The following RBMS3 variants were observed in gnomAD, a reference collection of about 807,000 sequenced individuals.
RBMS3 encodes RNA-binding motif, single-stranded-interacting protein 3.
Under a neutral mutation model 66.8 loss-of-function variants are expected in RBMS3, and 27 were observed. That is an observed-to-expected ratio of 0.40 (90% CI 0.30 to 0.56). The LOEUF (loss-of-function observed/expected upper bound fraction) is 0.56, where lower values mean the gene tolerates loss of function less well. Ranked by LOEUF, RBMS3 falls within the 20% of genes least tolerant of loss-of-function variation. The pLI, the probability that RBMS3 is intolerant of heterozygous loss-of-function variation, is 0.40. For synonymous variants in RBMS3, 188 were observed against 183.0 expected (o/e 1.03, Z -0.22); for missense variants, 513 against 549.5 (o/e 0.93, Z 0.66).
chr3:29,435,553 T>C (rs1251109453), intron 2 of RBMS3, among the ~76,000 whole-genome samples: 1 of 152,196 alleles, frequency 6.6e-6, no homozygotes, highest in Non-Finnish European at 1.5e-5. Context: ...GAATCTACTA[T>C]CTACCAACAC....
chr3:29,319,229 C>T (rs545538281), intron 1 of RBMS3, among the ~76,000 whole-genome samples: 32 of 152,080 alleles, frequency 2.1e-4, no homozygotes, highest in Non-Finnish European at 3.2e-4. Context: ...ATGCCAATTC[C>T]GTGTCACACA....
chr3:29,857,167 T>A (rs1016876359), intron 6 of RBMS3, among the ~76,000 whole-genome samples: 5 of 152,194 alleles, frequency 3.3e-5, no homozygotes, highest in African/African-American at 1.2e-4. Flanking sequence ...GTTCACTGCA[T>A]CCTGGGAATT....
chr3:29,352,129 TATG>T (rs1419728790), intron 1 of RBMS3, among the ~76,000 whole-genome samples: 1 of 152,108 alleles, frequency 6.6e-6, no homozygotes, highest in African/African-American at 2.4e-5. Context: ...TATTAAAAAT[TATG>T]ATTTCATAAT....
At chr3:29,438,011 TGTAAAACCTTG>T (rs2041463595) in intron 2 of RBMS3, among the ~76,000 whole-genome samples, 1 of 147,708 alleles carries the variant, frequency 6.8e-6, no homozygotes, top group African/African-American at 2.5e-5. Context: ...GCAGGTCATT[TGTAAAACCTTG>T]CTTGTTTCTC....
chr3:29,705,389 T>C (rs1293860031), intron 4 of RBMS3, among the ~76,000 whole-genome samples: 1 of 152,206 alleles, frequency 6.6e-6, no homozygotes, highest in Admixed American at 6.5e-5. Flanking sequence ...TTGTGTAATA[T>C]AAAGAATCAC....
chr3:29,997,193 A>T (rs2125391600), intron 14 of RBMS3, among the ~76,000 whole-genome samples: 1 of 152,258 alleles, frequency 6.6e-6, no homozygotes, highest in East Asian at 1.9e-4. Context: ...TCCTGGACAC[A>T]TACACTCTCT....
At chr3:29,836,803 C>A (rs372696083) in intron 6 of RBMS3, among the ~76,000 whole-genome samples, 5 of 140,886 alleles carry the variant, frequency 3.5e-5, no homozygotes, top group Middle Eastern at 3.7e-3. Context: ...ATATATATAT[C>A]TGAAAACATC....
chr3:29,295,553 G>A (rs1055864673), intron 1 of RBMS3, among the ~76,000 whole-genome samples: 1 of 151,248 alleles, frequency 6.6e-6, no homozygotes, highest in African/African-American at 2.4e-5. Flanking sequence ...ATAGTAAGGT[G>A]TGTGTCTTTT....
chr3:29,922,541 T>C (rs2060819439), intron 10 of RBMS3, among the ~76,000 whole-genome samples: 1 of 151,082 alleles, frequency 6.6e-6, no homozygotes, highest in South Asian at 2.1e-4. Context: ...TCAGCATTCG[T>C]GAATGGATGA....
At chr3:29,597,502 A>G (rs1331143823) in intron 4 of RBMS3, among the ~76,000 whole-genome samples, 1 of 152,144 alleles carries the variant, frequency 6.6e-6, no homozygotes, top group Non-Finnish European at 1.5e-5. Flanking sequence ...ACTCAGTTTA[A>G]TCCTCTTTTC....
intron 6 of RBMS3, among the ~76,000 whole-genome samples, chr3:29,859,239 T>A (rs2059152559): frequency 6.6e-6 from 1 of 152,190 alleles, no homozygotes; most frequent in African/African-American, 2.4e-5. Flanking sequence ...GCATACATTC[T>A]TTTAGGAGAA....
chr3:29,958,168 C>T (rs1386383483), intron 12 of RBMS3, among the ~76,000 whole-genome samples: 1 of 152,028 alleles, frequency 6.6e-6, no homozygotes, highest in African/African-American at 2.4e-5. Context: ...TTGCTGTCTT[C>T]CCCTCTTTCT....
chr3:29,676,599 T>C (rs1262950963), intron 4 of RBMS3, among the ~76,000 whole-genome samples: 1 of 152,216 alleles, frequency 6.6e-6, no homozygotes, highest in Non-Finnish European at 1.5e-5. Context: ...TGTATTTAAA[T>C]GCAATCAGTA....
chr3:29,769,789 C>A (rs1230694556), intron 6 of RBMS3, among the ~76,000 whole-genome samples: 1 of 151,706 alleles, frequency 6.6e-6, no homozygotes, highest in African/African-American at 2.4e-5. Context: ...AATGAACTTT[C>A]TGAAGGTATG....
chr3:29,792,916 C>A (rs2057058972), intron 6 of RBMS3, among the ~76,000 whole-genome samples: 1 of 152,010 alleles, frequency 6.6e-6, no homozygotes, highest in African/African-American at 2.4e-5. Flanking sequence ...CAAGTTAAGA[C>A]CTGAAATGAA....
intron 4 of RBMS3, among the ~76,000 whole-genome samples, chr3:29,705,511 A>C (rs761591135): frequency 1.3e-5 from 2 of 152,212 alleles, no homozygotes; most frequent in African/African-American, 2.4e-5. Context: ...AACATAATGA[A>C]ATGGAAAATG....
intron 2 of RBMS3, among the ~76,000 whole-genome samples, chr3:29,482,182 T>C (rs914063050): frequency 6.6e-6 from 1 of 152,192 alleles, no homozygotes; most frequent in Admixed American, 6.5e-5. Context: ...GGTTTCTGAC[T>C]CTATTGGTAT....
intron 5 of RBMS3, among the ~76,000 whole-genome samples, chr3:29,752,402 G>A (rs1258533205): frequency 6.6e-6 from 1 of 152,162 alleles, no homozygotes; most frequent in Non-Finnish European, 1.5e-5. Context: ...AAACAGGGAT[G>A]TGAAGTTTTC....
chr3:29,370,471 T>G (rs1225874183), intron 1 of RBMS3, among the ~76,000 whole-genome samples: 2 of 152,218 alleles, frequency 1.3e-5, no homozygotes, highest in Non-Finnish European at 2.9e-5. Flanking sequence ...GACTCAACTA[T>G]GCACACCCTT....
Sources: allele counts gnomAD v4.1 joint callset (sites outside exome capture counted in the v4.1 genomes callset), GRCh38; gene constraint gnomAD v4.1.1; transcripts MANE v1.5; gene names NCBI Gene and HGNC (gene_info 2026-07-23, HGNC 2026-07-21).